Variants in KCMF1 observed in about 807,000 individuals in gnomAD.
KCMF1 encodes the protein potassium channel modulatory factor 1.
Under a neutral mutation model 41.1 loss-of-function variants are expected in KCMF1, and 3 were observed. The ratio of observed to expected loss-of-function variants is 0.07; its 90% CI spans 0.03 to 0.19. KCMF1 has a LOEUF of 0.19. KCMF1 is among the 10% of genes least tolerant of loss of function. The pLI, the probability that KCMF1 is intolerant of heterozygous loss-of-function variation, is 1.00. For missense variants in KCMF1, 286 were observed against 488.9 expected, an observed-to-expected ratio of 0.58 and a Z score of 3.91; for synonymous variants, 142 against 164.5, an observed-to-expected ratio of 0.86 and a Z score of 1.04.
chr2:85,007,054 TC>T (rs1419788122), intron 1 of KCMF1, among the ~76,000 whole-genome samples: 1 of 137,160 alleles, frequency 7.3e-6, no homozygotes, highest in African/African-American at 2.8e-5. Flanking sequence ...TGAGTCGAGA[TC>T]GCACCACTGC....
At chr2:85,043,242 G>A (rs190843206) in intron 3 of KCMF1, among the ~76,000 whole-genome samples, 64 of 152,218 alleles carry the variant, frequency 4.2e-4, no homozygotes, top group African/African-American at 1.5e-3. Flanking sequence ...GGACTTACAC[G>A]TAAATGTGCA....
At chr2:85,008,305 A>AATATATC (rs1278723324) in intron 1 of KCMF1, among the ~76,000 whole-genome samples, 27 of 9,048 alleles carry the variant, frequency 3.0e-3, no homozygotes, top group African/African-American at 6.4e-3. Context: ...TATAATATAT[A>AATATATC]ATATGATATA....
chr2:85,025,181 G>T (rs140279661), intron 1 of KCMF1, among the ~76,000 whole-genome samples: 1 of 151,998 alleles, frequency 6.6e-6, no homozygotes, highest in Non-Finnish European at 1.5e-5. Context: ...CAAATCTGTT[G>T]ACATTTTATT....
chr2:85,008,255 T>TTATATATCATATATAATATATAATATGA, intron 1 of KCMF1, among the ~76,000 whole-genome samples: 1 of 64,022 alleles, frequency 1.6e-5, no homozygotes, highest in Non-Finnish European at 2.9e-5. Context: ...ATGATATATA[T>TTATATATCATATATAATATATAATATGA]TATATATCAT....
At chr2:85,015,025 T>C (rs961604071) in intron 1 of KCMF1, among the ~76,000 whole-genome samples, 12 of 151,738 alleles carry the variant, frequency 7.9e-5, no homozygotes, top group Admixed American at 5.3e-4. Flanking sequence ...GCCTTCTTTT[T>C]CCCCCCTCTA....
chr2:84,972,774 G>C (rs905959479), intron 1 of KCMF1, among the ~76,000 whole-genome samples: 1 of 152,202 alleles, frequency 6.6e-6, no homozygotes, highest in Non-Finnish European at 1.5e-5. Context: ...CGTTGAAATT[G>C]ACTCAACATT....
Position 85,027,918 on chromosome 2 carries a change from A to G in KCMF1, c.46A>G (p.Asn16Asp). Residue 16 changes from asparagine to aspartate, a missense_variant, in exon 2 of 7, where the codon AAT becomes GAT. By Grantham distance (23) the Asn-to-Asp change is conservative. This residue lies in a region of KCMF1 where 95 missense variants were observed against 209.6 expected (regional missense o/e 0.45). Coordinates refer to ENST00000409785, the MANE Select transcript of KCMF1 (RefSeq NM_020122.5). ...CAGCTGTGATGCATGTTTAAAAGGAAATTTTCGAGGTCGCAGATATAAGTG... is the reference window on the plus strand; with the variant it reads ...CAGCTGTGATGCATGTTTAAAAGGAGATTTTCGAGGTCGCAGATATAAGTG... Reference protein sequence around the residue: ...GVSCDACLKGNFRGRRYKCLI... With the variant: ...GVSCDACLKGDFRGRRYKCLI... 1 of 1,609,922 alleles carries G rather than the reference A, an allele frequency of 6.2e-7. No individual in the cohort carries two copies. The highest frequency in any genetic ancestry group is 8.5e-7 in the Non-Finnish European group (1 of 1,178,536).
At chr2:85,008,088 A>G (rs1369273555) in intron 1 of KCMF1, among the ~76,000 whole-genome samples, 2 of 151,614 alleles carry the variant, frequency 1.3e-5, no homozygotes, top group African/African-American at 4.8e-5. Flanking sequence ...TAAAGTTTAC[A>G]TGAACACCAA....
At chr2:85,043,167 C>G (rs896616277) in intron 3 of KCMF1, among the ~76,000 whole-genome samples, 4 of 152,240 alleles carry the variant, frequency 2.6e-5, no homozygotes, top group African/African-American at 9.6e-5. Flanking sequence ...GGAATTGGCT[C>G]TCAAGTATAG....
intron 3 of KCMF1, among the ~76,000 whole-genome samples, chr2:85,043,336 C>T (rs940039350): frequency 6.6e-6 from 1 of 151,998 alleles, no homozygotes; most frequent in South Asian, 2.1e-4. Flanking sequence ...GTTAGAAGGC[C>T]CTGCCAGAGA....
chr2:85,022,560 C>A (rs867276928), intron 1 of KCMF1, among the ~76,000 whole-genome samples: 21 of 152,058 alleles, frequency 1.4e-4, no homozygotes, highest in Admixed American at 6.6e-5. Context: ...GTAAACAATT[C>A]CAGCTTTGCT....
At chr2:84,980,960 G>C (rs147151804) in intron 1 of KCMF1, among the ~76,000 whole-genome samples, 73 of 151,880 alleles carry the variant, frequency 4.8e-4, no homozygotes, top group African/African-American at 1.7e-3. Flanking sequence ...CTCTTCTATG[G>C]CCACAGTGCC....
intron 1 of KCMF1, among the ~76,000 whole-genome samples, chr2:85,014,744 TG>T (rs1475073626): frequency 1.3e-5 from 2 of 151,442 alleles, no homozygotes; most frequent in African/African-American, 4.9e-5. Context: ...TGTGTGTGTG[TG>T]TGTTTTTAAA....
intron 1 of KCMF1, among the ~76,000 whole-genome samples, chr2:84,995,753 C>T (rs757026122): frequency 6.6e-6 from 1 of 152,158 alleles, no homozygotes; most frequent in Non-Finnish European, 1.5e-5. Context: ...GAGTTCAAAA[C>T]AAGCGTGGGC....
At position 85,055,493 on chromosome 2, in the gene KCMF1, C is replaced by T. The variant is rs1305331801; in HGVS notation, c.*2084C>T. On this transcript the variant is annotated 3_prime_UTR_variant, in exon 7 of 7. Coordinates refer to ENST00000409785, the MANE Select transcript of KCMF1 (RefSeq NM_020122.5). The stretch of plus-strand genomic sequence containing the variant: ...TTTAGGGAACAACTGTAAGTCCATT[C>T]AGAGCAGTTTAATTTAGATGATCAC... 5.3e-5 allele frequency: 8 copies of T among 152,130 alleles called. No individual in the cohort carries two copies. In the East Asian group the frequency reaches 1.5e-3, roughly 29 times the overall value. The allele number at this position is 152,130 out of a possible 1,614,324, so 9.4% of individuals were successfully genotyped here.
chr2:85,014,749 T>TG (rs1558575822), intron 1 of KCMF1, among the ~76,000 whole-genome samples: 1,504 of 146,700 alleles, frequency 0.01, 25 homozygotes, highest in African/African-American at 0.037. Context: ...GTGTGTGTGT[T>TG]TTTAAATAGA....
In KCMF1 at chr2:85,054,675, T is replaced by C. The variant is rs182552908; in HGVS notation, c.*1266T>C. 3.3e-5 allele frequency: 5 copies of C among 152,198 alleles called. No homozygotes were observed. The highest frequency in any genetic ancestry group is 3.3e-4 in the Admixed American group (5 of 15,270). 9.4% of individuals were successfully genotyped at this position (152,198 alleles called of 1,614,324 possible). ...TAGCTCCAAGGCAGGGACAGCGGGT[T>C]TGGGGGTTGGGAGGGCAGTTTTTGG... On this transcript the variant is annotated 3_prime_UTR_variant, in exon 7 of 7. Transcript: ENST00000409785.
rs957276402 is a variant in KCMF1 at position 85,056,670 on chromosome 2, T to A, written c.*3261T>A. 6.6e-6 allele frequency: 1 copy of A among 152,166 alleles called. No homozygotes were observed. Among genetic ancestry groups the A allele is most frequent in the Non-Finnish European group, 1.5e-5 (1 of 68,034 alleles). The allele number at this position is 152,166 out of a possible 1,614,324, so 9.4% of individuals were successfully genotyped here. ...ATGGGATTCCTGTAACAGTGTTCAG[T>A]ACCAATATTAAGTCTACTGTAAGTG... On this transcript the variant is annotated 3_prime_UTR_variant, in exon 7 of 7. Transcript: ENST00000409785.
chr2:84,982,389 CTTTTTTTTTTTTTT>C (rs34687477), intron 1 of KCMF1, among the ~76,000 whole-genome samples: 2,059 of 47,420 alleles, frequency 0.043, 24 homozygotes, highest in Admixed American at 0.072. Context: ...TCCTTATTTT[CTTTTTTTTTTTTTT>C]TTTTTTTTTT....
Sources: gnomAD v4.1 joint callset for allele counts (sites outside exome capture counted in the v4.1 genomes callset) on GRCh38, gnomAD v4.1.1 for gene constraint, gnomAD v4.1.1 regional missense constraint, MANE v1.5 for transcripts, NCBI Gene and HGNC (gene_info 2026-07-23, HGNC 2026-07-21) for gene names.